Variants in IQUB observed in about 807,000 individuals in gnomAD.
IQUB encodes the protein IQ motif and ubiquitin-like domain-containing protein.
In IQUB, 86 loss-of-function variants were observed where a neutral mutation model predicts 86.4. The ratio of observed to expected loss-of-function variants is 1.00; its 90% CI spans 0.84 to 1.19. The LOEUF is 1.19. Ranked by LOEUF, IQUB falls within the 50% of genes most tolerant of loss-of-function variation. IQUB has a pLI of 0.00. For synonymous variants in IQUB, 289 were observed against 304.5 expected (o/e 0.95, Z 0.53); for missense variants, 946 against 916.9 (o/e 1.03, Z -0.41).
At chr7:123,524,207 G>T (rs995872947) in intron 1 of IQUB, among the ~76,000 whole-genome samples, 11 of 147,242 alleles carry the variant, frequency 7.5e-5, no homozygotes, top group African/African-American at 2.5e-4. Context: ...GGTTCCATAT[G>T]AACTTTAAAG....
intron 12 of IQUB, chr7:123,456,662 A>G (rs1563424285): frequency 6.6e-6 from 1 of 152,112 alleles, no homozygotes; most frequent in Non-Finnish European, 1.5e-5. Context: ...GCAGAGAATC[A>G]GTATTAACTC....
intron 12 of IQUB, among the ~76,000 whole-genome samples, chr7:123,454,561 G>A (rs1563422827): frequency 6.6e-6 from 1 of 152,018 alleles, no homozygotes; most frequent in Non-Finnish European, 1.5e-5. Context: ...GATAGGGATG[G>A]GTGGACATCA....
intron 1 of IQUB, among the ~76,000 whole-genome samples, chr7:123,516,702 A>C (rs1796654574): frequency 6.6e-6 from 1 of 152,184 alleles, no homozygotes; most frequent in African/African-American, 2.4e-5. Context: ...AGCCAGAACA[A>C]GGGTGGGCTC....
chr7:123,527,216 C>G (rs1797268804), intron 1 of IQUB, among the ~76,000 whole-genome samples: 1 of 152,132 alleles, frequency 6.6e-6, no homozygotes, highest in South Asian at 2.1e-4. Flanking sequence ...ATACATTCTT[C>G]CAAATTTTTT....
intron 12 of IQUB, among the ~76,000 whole-genome samples, chr7:123,454,130 A>C (rs1366993631): frequency 6.6e-6 from 1 of 152,068 alleles, no homozygotes; most frequent in Non-Finnish European, 1.5e-5. Context: ...TTAACAGAAA[A>C]ATTTACTAGG....
chr7:123,530,881 T>C (rs1364141773), intron 1 of IQUB, among the ~76,000 whole-genome samples: 1 of 152,038 alleles, frequency 6.6e-6, no homozygotes. Flanking sequence ...TTCACCATGT[T>C]GGCCAGGCTG....
In IQUB at chr7:123,457,597, G is replaced by A. The variant is rs780006062; in HGVS notation, c.2008-31C>T. ...TGTCAAAGCAAGTTTTAAAAACAAT[G>A]TAGTTTAAATTTGTTTAAGATTATT... On this transcript the variant is annotated intron_variant, in intron 11 of 12. Transcript: ENST00000324698. 6 of 1,513,822 alleles carry A rather than the reference G, an allele frequency of 4.0e-6. No homozygotes were observed. The East Asian group carries it at 1.2e-4, about 29-fold the overall frequency. The allele number at this position is 1,513,822 out of a possible 1,614,324, so 93.8% of individuals were successfully genotyped here. A position where few individuals can be genotyped will look rare whatever the true frequency, so the allele number is the denominator to read the frequency against.
chr7:123,473,835 T>A (rs1182022554), intron 8 of IQUB, among the ~76,000 whole-genome samples: 1 of 152,056 alleles, frequency 6.6e-6, no homozygotes, highest in Non-Finnish European at 1.5e-5. Context: ...TCCACCTGCG[T>A]TGGCCTCCCA....
chr7:123,504,589 G>C (rs1412013201), intron 3 of IQUB, among the ~76,000 whole-genome samples: 7 of 152,146 alleles, frequency 4.6e-5, no homozygotes. Flanking sequence ...AGGAGAAAGA[G>C]TGAAGGAGGA....
intron 1 of IQUB, among the ~76,000 whole-genome samples, chr7:123,514,042 T>C (rs1796541698): frequency 6.6e-6 from 1 of 152,156 alleles, no homozygotes; most frequent in African/African-American, 2.4e-5. Context: ...CATAAATATA[T>C]ACCAAACAGG....
rs369969590 is a variant in IQUB at position 123,461,487 on chromosome 7, C to T, written c.1877G>A (p.Arg626His). Residue 626 changes from arginine (R) to histidine (H), a missense_variant, in exon 11 of 13, where the codon CGT becomes CAT. Arg to His is a conservative substitution (Grantham distance 29). Transcript: ENST00000324698. ...CTCATTCTGAAGGTTAATGCAGTTACGACACCGGTATATGCGGCGTGAGGT... is the reference window on the plus strand; with the variant it reads ...CTCATTCTGAAGGTTAATGCAGTTATGACACCGGTATATGCGGCGTGAGGT... Reference protein sequence around the residue: ...SSTSRRIYRCRNCINLQNEAQ... With the variant: ...SSTSRRIYRCHNCINLQNEAQ... 39 of 1,612,370 alleles carry T rather than the reference C, an allele frequency of 2.4e-5. No homozygotes were observed. Among genetic ancestry groups the T allele is most frequent in the Admixed American group, 1.0e-4 (6 of 59,776 alleles).
At chr7:123,474,562 A>G (rs10275556) in intron 8 of IQUB, among the ~76,000 whole-genome samples, 1 of 152,178 alleles carries the variant, frequency 6.6e-6, no homozygotes, top group African/African-American at 2.4e-5. Context: ...ATAGAATCAT[A>G]TACAAAAAGG....
At chr7:123,470,817 C>T (rs1794487000) in intron 8 of IQUB, among the ~76,000 whole-genome samples, 1 of 151,020 alleles carries the variant, frequency 6.6e-6, no homozygotes, top group Non-Finnish European at 1.5e-5. Flanking sequence ...CGCCACTGCA[C>T]TCCAGCCTGG....
In IQUB at chr7:123,503,226, T is replaced by C. The variant is rs1796028759; in HGVS notation, c.670A>G (p.Ile224Val). The C allele has an allele frequency of 1.9e-6, 3 of 1,612,008 alleles. No individual in the cohort carries two copies. The highest frequency in any genetic ancestry group is 2.5e-6 in the Non-Finnish European group (3 of 1,179,174). The change falls in exon 4 of 13, where the codon ATC becomes GTC. Residue 224 changes from isoleucine to valine, a missense_variant. Ile to Val is a conservative substitution (Grantham distance 29, BLOSUM62 3). Transcript: ENST00000324698. The stretch of plus-strand genomic sequence containing the variant: ...CCAGTTTGGACAGTGACAGTTATGA[T>C]TTGAGAGACATCAGTTAATCCATCT... ...RIDGLTDVSQIITVTVQTGLD... is the reference protein window; with the variant it reads ...RIDGLTDVSQVITVTVQTGLD...
intron 9 of IQUB, among the ~76,000 whole-genome samples, chr7:123,466,023 C>T (rs1284718065): frequency 6.6e-6 from 1 of 151,950 alleles, no homozygotes; most frequent in Non-Finnish European, 1.5e-5. Context: ...TTTATTGAGG[C>T]CCTCCTCTTT....
intron 8 of IQUB, among the ~76,000 whole-genome samples, chr7:123,470,027 C>T (rs1794452266): frequency 6.6e-6 from 1 of 152,144 alleles, no homozygotes; most frequent in Admixed American, 6.5e-5. Context: ...CCAACCTAGC[C>T]CACCTCCTAA....
chr7:123,476,641 CAT>C (rs1794757350), intron 8 of IQUB, among the ~76,000 whole-genome samples: 1 of 151,610 alleles, frequency 6.6e-6, no homozygotes, highest in African/African-American at 2.4e-5. Context: ...AATTTGGAAA[CAT>C]AAAGAAATCC....
At chr7:123,527,213 C>A (rs914994144) in intron 1 of IQUB, among the ~76,000 whole-genome samples, 2 of 152,138 alleles carry the variant, frequency 1.3e-5, no homozygotes, top group Non-Finnish European at 2.9e-5. Flanking sequence ...GTTATACATT[C>A]TTCCAAATTT....
intron 7 of IQUB, among the ~76,000 whole-genome samples, chr7:123,484,099 A>G (rs77848558): frequency 0.016 from 2,510 of 152,164 alleles, 30 homozygotes; most frequent in Non-Finnish European, 0.025. Flanking sequence ...GGTCAGGTCT[A>G]ACACTTGCCA....
Sources: allele counts gnomAD v4.1 joint callset (sites outside exome capture counted in the v4.1 genomes callset), GRCh38; gene constraint gnomAD v4.1.1; transcripts MANE v1.5; gene names NCBI Gene and HGNC (gene_info 2026-07-23, HGNC 2026-07-21).